Variants in KLHL6 observed in about 807,000 individuals in gnomAD.
The protein encoded by KLHL6 is kelch-like protein 6.
Under a neutral mutation model 58.6 loss-of-function variants are expected in KLHL6, and 41 were observed. The ratio of observed to expected loss-of-function variants is 0.70; its 90% CI spans 0.55 to 0.91. The LOEUF is 0.91. KLHL6 is among the 40% of genes least tolerant of loss of function. The pLI, the probability that KLHL6 is intolerant of heterozygous loss-of-function variation, is 0.00. For synonymous variants in KLHL6, 338 were observed against 322.7 expected (o/e 1.05, Z -0.51); for missense variants, 714 against 805.6 (o/e 0.89, Z 1.38).
At chr3:183,501,217 C>T (rs73884510) in intron 3 of KLHL6, among the ~76,000 whole-genome samples, 9,251 of 152,230 alleles carry the variant, frequency 0.061, 695 homozygotes, top group East Asian at 0.18. Context: ...GCCAGGGAAC[C>T]TGGAGGCACC....
Position 183,494,170 on chromosome 3 carries a change from C to T in KLHL6, c.1259G>A (p.Gly420Asp). The part of the protein sequence containing the change: ...GRWRHKMVVL[G>D]GKVYVIGGFD... ...GCCTCCGATCACATAGACCTTGCCA[C>T]CCAACACCACCATCTTATGCCTCCA... Residue 420 changes from glycine (G) to aspartate (D), a missense_variant, in exon 5 of 7, where the codon GGT becomes GAT. By Grantham distance (94) the Gly-to-Asp change is moderately conservative. Transcript: ENST00000341319. 6.2e-7 allele frequency: 1 copy of T among 1,614,194 alleles called. No homozygotes were observed. Among genetic ancestry groups the T allele is most frequent in the Non-Finnish European group, 8.5e-7 (1 of 1,180,038 alleles).
chr3:183,555,543 G>T lies in KLHL6; in HGVS notation c.111C>A (p.Asp37Glu). ...TTTCCCCATTTAAGATCTCGACCAAGTCTCCTGTTTTCTGGGAGGGCTCAT... is the reference window on the plus strand; with the variant it reads ...TTTCCCCATTTAAGATCTCGACCAATTCTCCTGTTTTCTGGGAGGGCTCAT... ...STDEPSQKTG[D>E]LVEILNGEKV... Residue 37 changes from aspartate to glutamate, a missense_variant, in exon 1 of 7, where the codon GAC (aspartate) becomes GAA (glutamate). Coordinates refer to ENST00000341319, the MANE Select transcript of KLHL6 (RefSeq NM_130446.4). 6.2e-7 allele frequency: 1 copy of T among 1,614,132 alleles called. No individual in the cohort carries two copies. The highest frequency in any genetic ancestry group is 8.5e-7 in the Non-Finnish European group (1 of 1,180,034).
chr3:183,543,195 GAGAATAGCTTGAACCTAGA>G (rs1350305545), intron 1 of KLHL6, among the ~76,000 whole-genome samples: 3 of 151,960 alleles, frequency 2.0e-5, no homozygotes, highest in Non-Finnish European at 4.4e-5. Flanking sequence ...GCTGAGGCAG[GAGAATAGCTTGAACCTAGA>G]AGATGGAGGT....
Position 183,491,338 on chromosome 3 carries a change from C to T in KLHL6, c.*589G>A, listed in dbSNP as rs1717546332. ...ATGTTGGCCAGGCTGGTCTTGAACTCCTGACCTCAGGTCATCCGCCCGCCT... is the reference window on the plus strand; with the variant it reads ...ATGTTGGCCAGGCTGGTCTTGAACTTCTGACCTCAGGTCATCCGCCCGCCT... On this transcript the variant is annotated 3_prime_UTR_variant, in exon 7 of 7. Transcript: ENST00000341319. 1.3e-5 allele frequency: 2 copies of T among 152,418 alleles called. No individual in the cohort carries two copies. The highest frequency in any genetic ancestry group is 1.3e-4 in the Admixed American group (2 of 15,298). The allele number at this position is 152,418 out of a possible 1,614,324, so 9.4% of individuals were successfully genotyped here.
At chr3:183,534,094 T>TAAAGTACTTTA (rs1194252171) in intron 1 of KLHL6, among the ~76,000 whole-genome samples, 4 of 129,308 alleles carry the variant, frequency 3.1e-5, no homozygotes, top group Admixed American at 7.5e-5. Flanking sequence ...ACTTTACTTT[T>TAAAGTACTTTA]AAAGTACTTT....
intron 2 of KLHL6, among the ~76,000 whole-genome samples, chr3:183,514,522 A>T (rs899696270): frequency 2.0e-5 from 3 of 152,022 alleles, no homozygotes; most frequent in African/African-American, 7.2e-5. Context: ...CCAGAGCCCA[A>T]CTTTTTAAGG....
chr3:183,553,502 G>A (rs76700787), intron 1 of KLHL6, among the ~76,000 whole-genome samples: 8,232 of 152,300 alleles, frequency 0.054, 237 homozygotes, highest in Non-Finnish European at 0.06. Flanking sequence ...CTAAATGTGC[G>A]TCCCCAGGGC....
chr3:183,543,668 C>G (rs1199424179), intron 1 of KLHL6, among the ~76,000 whole-genome samples: 7 of 152,200 alleles, frequency 4.6e-5, no homozygotes, highest in Non-Finnish European at 1.0e-4. Context: ...CCAAAAGGCC[C>G]TTGATACTCA....
rs1290365523 is a variant in KLHL6 at position 183,489,692 on chromosome 3, G to A, written c.*2235C>T. 1 of 152,162 alleles carries A rather than the reference G, an allele frequency of 6.6e-6. No homozygotes were observed. Among genetic ancestry groups the A allele is most frequent in the Non-Finnish European group, 1.5e-5 (1 of 68,040 alleles). The allele number at this position is 152,162 out of a possible 1,614,324, so 9.4% of individuals were successfully genotyped here. The stretch of plus-strand genomic sequence containing the variant: ...AAAATTCCACAAATATGTTTCTATT[G>A]CCCTGTGTTACTTTCCACAGCAGAG... On this transcript the variant is annotated 3_prime_UTR_variant, in exon 7 of 7. Transcript: ENST00000341319.
In KLHL6 at chr3:183,550,153, G is replaced by A. The variant is rs192238427; in HGVS notation, c.293+5208C>T. Among the ~76,000 whole-genome samples the A allele has an allele frequency of 8.6e-4, 131 of 152,192 alleles. 1 individual carries two copies. Among genetic ancestry groups the A allele is most frequent in the Admixed American group, 6.4e-3 (98 of 15,284 alleles). On this transcript the variant is annotated intron_variant, in intron 1 of 6. Transcript: ENST00000341319. ...AAGTTAAAAACTGAGATTCTCAACA[G>A]GTTGGAAGATAAAATTGAGAAAAAT... is the stretch of plus-strand genomic sequence containing the variant.
At chr3:183,544,189 C>G (rs1399326561) in intron 1 of KLHL6, among the ~76,000 whole-genome samples, 1 of 138,956 alleles carries the variant, frequency 7.2e-6, no homozygotes, top group Non-Finnish European at 1.5e-5. Flanking sequence ...AAAAAAAAAG[C>G]CATAGCAGTA....
intron 2 of KLHL6, chr3:183,522,835 G>C (rs1711815968): frequency 6.6e-6 from 1 of 152,154 alleles, no homozygotes; most frequent in African/African-American, 2.4e-5. Flanking sequence ...TTTTTGTTTT[G>C]AGATGGAGTC....
At chr3:183,513,832 C>A (rs2108677800) in intron 2 of KLHL6, among the ~76,000 whole-genome samples, 1 of 152,246 alleles carries the variant, frequency 6.6e-6, no homozygotes, top group East Asian at 1.9e-4. Context: ...TTAAGCCCTG[C>A]ATGCATTAGG....
At chr3:183,519,033 C>T (rs371248048) in intron 2 of KLHL6, among the ~76,000 whole-genome samples, 2 of 152,188 alleles carry the variant, frequency 1.3e-5, no homozygotes, top group African/African-American at 4.8e-5. Context: ...AGAACATGTG[C>T]CTTGATCGCC....
intron 3 of KLHL6, among the ~76,000 whole-genome samples, chr3:183,507,231 G>T (rs1209705592): frequency 6.6e-6 from 1 of 152,086 alleles, no homozygotes; most frequent in Non-Finnish European, 1.5e-5. Context: ...TGAATAAATT[G>T]GAGGGAGGCC....
At chr3:183,545,374 G>GA (rs1015613730) in intron 1 of KLHL6, among the ~76,000 whole-genome samples, 20 of 152,258 alleles carry the variant, frequency 1.3e-4, no homozygotes, top group African/African-American at 4.8e-4. Context: ...CCCTTGTCCT[G>GA]AAAAAACATT....
intron 4 of KLHL6, among the ~76,000 whole-genome samples, chr3:183,497,050 G>C (rs1485114112): frequency 6.6e-6 from 1 of 151,588 alleles, no homozygotes. Context: ...AGACCGAAGC[G>C]GGCGGATCAC....
chr3:183,532,289 C>T (rs1010144217), intron 1 of KLHL6, among the ~76,000 whole-genome samples: 4 of 152,226 alleles, frequency 2.6e-5, no homozygotes, highest in Non-Finnish European at 5.9e-5. Context: ...TGGCCGTCTG[C>T]AAGCCAGGAA....
rs1410268510 is a variant in KLHL6, at chr3:183,491,981, G to C, written c.1812C>G (p.Ile604Met). The C allele has an allele frequency of 1.9e-6, 3 of 1,574,716 alleles. No homozygotes were observed. The highest frequency in any genetic ancestry group is 2.6e-6 in the Non-Finnish European group (3 of 1,158,362). Residue 604 changes from isoleucine (I) to methionine (M), a missense_variant, in exon 7 of 7, where the codon ATC becomes ATG. Coordinates refer to ENST00000341319, the MANE Select transcript of KLHL6 (RefSeq NM_130446.4). The stretch of plus-strand genomic sequence containing the variant: ...TGCGGATGTGGGTGTACGACTTCCT[G>C]ATGGTGACGCTGCCGTGGTGCGACA... ...RGVSHHGSVT[I>M]RKSYTHIRRI...
Sources: allele counts gnomAD v4.1 joint callset (sites outside exome capture counted in the v4.1 genomes callset), GRCh38; gene constraint gnomAD v4.1.1; transcripts MANE v1.5; gene names NCBI Gene and HGNC (gene_info 2026-07-23, HGNC 2026-07-21).